Variants in NFIX observed in about 807,000 individuals in gnomAD.
The protein encoded by NFIX is nuclear factor 1 X-type.
NFIX carries 2 observed loss-of-function variants against 53.3 expected under a neutral mutation model. The observed-to-expected ratio is 0.04, with a 90% CI of 0.02 to 0.12. The LOEUF is 0.12. NFIX is among the 10% of genes least tolerant of loss of function. NFIX has a pLI of 1.00. For missense variants in NFIX, 310 were observed against 674.5 expected, an observed-to-expected ratio of 0.46 and a Z score of 5.99; for synonymous variants, 244 against 289.0, an observed-to-expected ratio of 0.84 and a Z score of 1.58.
Position 13,052,498 on chromosome 19 carries a change from G to C in NFIX, c.560-20549G>C, listed in dbSNP as rs560288906. Among the ~76,000 whole-genome samples the C allele has an allele frequency of 6.6e-6, 1 of 152,308 alleles. No homozygotes were observed. The highest frequency in any genetic ancestry group is 2.4e-5 in the African/African-American group (1 of 41,562). On this transcript the variant is annotated intron_variant, in intron 2 of 10. Coordinates refer to ENST00000592199, the MANE Select transcript of NFIX (RefSeq NM_001365902.3). The surrounding 1 kb of genome is among the most constrained non-coding windows in gnomAD (Gnocchi z 5.2). ...GCAGGACCACCATGAGTCACTGGGG[G>C]TCATGCCAGTGAGCTTCCTGCGCTG...
chr19:13,053,473 C>T (rs2015452162), intron 2 of NFIX, among the ~76,000 whole-genome samples: 1 of 152,178 alleles, frequency 6.6e-6, no homozygotes, highest in Admixed American at 6.5e-5. Flanking sequence ...AAGGCCTTCC[C>T]TCCCTTCCGC....
At chr19:13,016,068 G>A (rs2012650482) in intron 1 of NFIX, among the ~76,000 whole-genome samples, 1 of 152,154 alleles carries the variant, frequency 6.6e-6, no homozygotes, top group Non-Finnish European at 1.5e-5. Flanking sequence ...GGTTACATGG[G>A]TGTGTTCACT....
intron 2 of NFIX, among the ~76,000 whole-genome samples, chr19:13,059,555 C>T (rs1442688651): frequency 2.0e-5 from 3 of 152,122 alleles, no homozygotes; most frequent in East Asian, 1.9e-4. Context: ...GGAGTGGGAG[C>T]TGGAGGCTGC....
At chr19:13,039,748 G>A (rs2014483221) in intron 2 of NFIX, among the ~76,000 whole-genome samples, 1 of 152,186 alleles carries the variant, frequency 6.6e-6, no homozygotes, top group Non-Finnish European at 1.5e-5. Context: ...GTTTCTCTTA[G>A]GCTGGAATCT....
rs1282223513 is a variant in NFIX, at chr19:13,067,512, GTGTC to G, written c.560-5532_560-5529del. Among the ~76,000 whole-genome samples the G allele has an allele frequency of 1.3e-5, 2 of 151,940 alleles. No homozygotes were observed. Among genetic ancestry groups the G allele is most frequent in the African/African-American group, 2.4e-5 (1 of 41,340 alleles). ...TGTGTGTGTGTGTGTGTGTATGTGT[GTGTC>G]TGAGTCTGAGCATATGAGTGTATGC... On this transcript the variant is annotated intron_variant, in intron 2 of 10. Transcript: ENST00000592199. The surrounding 1 kb of genome is among the most constrained non-coding windows in gnomAD (Gnocchi z 4.2).
At chr19:13,018,006 G>C (rs1015882199) in intron 1 of NFIX, among the ~76,000 whole-genome samples, 3 of 152,212 alleles carry the variant, frequency 2.0e-5, no homozygotes, top group Non-Finnish European at 2.9e-5. Flanking sequence ...GCAGCCTGCC[G>C]GCTGGAGAAG....
intron 1 of NFIX, among the ~76,000 whole-genome samples, chr19:13,008,753 GC>G (rs950101216): frequency 6.6e-6 from 1 of 152,034 alleles, no homozygotes; most frequent in South Asian, 2.1e-4. Flanking sequence ...CCCTCCTTTG[GC>G]CCCCCTCCAA....
At position 13,089,513 on chromosome 19, in the gene NFIX, A is replaced by G. The variant is rs566495737; in HGVS notation, c.1403-786A>G. On this transcript the variant is annotated intron_variant, in intron 9 of 10. Transcript: ENST00000592199. This position sits in a 1 kb window ranked among gnomAD's most constrained non-coding sequence, Gnocchi z 4.8. ...AGGCTCTCCAGCCTCCTCCTCCTCT[A>G]TTGCCTTGGTCCTGGAACCACAGGC... is the stretch of plus-strand genomic sequence containing the variant. Among the ~76,000 whole-genome samples the G allele has an allele frequency of 2.0e-5, 3 of 152,082 alleles. No individual in the cohort carries two copies. Among genetic ancestry groups the G allele is most frequent in the South Asian group, 2.1e-4 (1 of 4,820 alleles).
intron 10 of NFIX, among the ~76,000 whole-genome samples, chr19:13,092,458 C>A (rs1415084766): frequency 6.6e-6 from 1 of 152,206 alleles, no homozygotes; most frequent in Non-Finnish European, 1.5e-5. Flanking sequence ...GAGGACCCCC[C>A]AGTCTGAGCA....
rs560713495 is a variant in NFIX, at chr19:12,997,933, T to C, written c.27+2069T>C. ...GGATGGCTGGAGAGGGGAGTGGGCATGGTGTCTCCAGGCTGCCAGCCCTTC... is the reference window on the plus strand; with the variant it reads ...GGATGGCTGGAGAGGGGAGTGGGCACGGTGTCTCCAGGCTGCCAGCCCTTC... On this transcript the variant is annotated intron_variant, in intron 1 of 10. Coordinates refer to ENST00000592199, the MANE Select transcript of NFIX (RefSeq NM_001365902.3). Among the ~76,000 whole-genome samples the C allele has an allele frequency of 5.9e-5, 9 of 152,000 alleles. No homozygotes were observed. In the South Asian group the frequency reaches 1.7e-3, roughly 28 times the overall value.
chr19:13,064,881 C>A (rs1403510515), intron 2 of NFIX, among the ~76,000 whole-genome samples: 1 of 152,218 alleles, frequency 6.6e-6, no homozygotes, highest in Non-Finnish European at 1.5e-5. Flanking sequence ...GTAGCCCCAA[C>A]TATGAGCCAG....
At position 13,012,527 on chromosome 19, in the gene NFIX, G is replaced by A. The variant is rs947796089; in HGVS notation, c.28-12494G>A. ...CAGTTCACCATTTGCTGCGTCAAAG[G>A]CCGCCGCCAAAAGGGGCTCCGATGT... On this transcript the variant is annotated intron_variant, in intron 1 of 10. Coordinates refer to ENST00000592199, the MANE Select transcript of NFIX (RefSeq NM_001365902.3). The surrounding 1 kb of genome is among the most constrained non-coding windows in gnomAD (Gnocchi z 5.0). Among the ~76,000 whole-genome samples, 2 of 152,072 alleles carry A rather than the reference G, an allele frequency of 1.3e-5. No individual in the cohort carries two copies. Among genetic ancestry groups the A allele is most frequent in the Admixed American group, 1.3e-4 (2 of 15,282 alleles).
chr19:13,038,676 T>G (rs2014384946), intron 2 of NFIX, among the ~76,000 whole-genome samples: 1 of 152,238 alleles, frequency 6.6e-6, no homozygotes, highest in African/African-American at 2.4e-5. Flanking sequence ...CCTGTTTAGT[T>G]TACTACCTGG....
At chr19:13,084,779 TGAG>T (rs1314524008) in intron 8 of NFIX, among the ~76,000 whole-genome samples, 1 of 151,906 alleles carries the variant, frequency 6.6e-6, no homozygotes, top group Non-Finnish European at 1.5e-5. Flanking sequence ...AAGGTGAAAG[TGAG>T]GAGCTGGTCG....
Position 13,090,350 on chromosome 19 carries a change from C to G in NFIX, c.1454C>G (p.Pro485Arg). Residue 485 changes from proline (P) to arginine (R), a missense_variant, in exon 10 of 11, where the codon CCC (proline) becomes CGC (arginine). Transcript: ENST00000592199. The surrounding 1 kb of genome is among the most constrained non-coding windows in gnomAD (Gnocchi z 6.6). Reference protein sequence around the residue: ...SSANRFVSIGPRDGNFLNIPQ... With the variant: ...SSANRFVSIGRRDGNFLNIPQ... The stretch of plus-strand genomic sequence containing the variant: ...GCCAACCGGTTTGTCAGCATCGGAC[C>G]CCGGGACGGCAACTTTCTGAACATC... 1 of 1,613,952 alleles carries G rather than the reference C, an allele frequency of 6.2e-7. No homozygotes were observed. The highest frequency in any genetic ancestry group is 8.5e-7 in the Non-Finnish European group (1 of 1,179,888).
Position 13,021,932 on chromosome 19 carries a change from T to C in NFIX, c.28-3089T>C, listed in dbSNP as rs2012970853. 1.3e-5 allele frequency among the ~76,000 whole-genome samples: 2 copies of C among 152,308 alleles called. No individual in the cohort carries two copies. Among genetic ancestry groups the C allele is most frequent in the East Asian group, 3.9e-4 (2 of 5,186 alleles). On this transcript the variant is annotated intron_variant, in intron 1 of 10. Transcript: ENST00000592199. This position sits in a 1 kb window ranked among gnomAD's most constrained non-coding sequence, Gnocchi z 4.2. ...TTGTTGTGTCCTTTCTTAGCTCTTTTCTTTTCATTTGGGTTTCTCATTTTA... is the reference window on the plus strand; with the variant it reads ...TTGTTGTGTCCTTTCTTAGCTCTTTCCTTTTCATTTGGGTTTCTCATTTTA...
In NFIX at chr19:13,061,475, G is replaced by A. The variant is rs529996368; in HGVS notation, c.560-11572G>A. On this transcript the variant is annotated intron_variant, in intron 2 of 10. Coordinates refer to ENST00000592199, the MANE Select transcript of NFIX (RefSeq NM_001365902.3). ...TGCAGAGGGAACCACATCCCCTGGA[G>A]CTCTGGGCCGGTCGCTGGCCGCGCC... 3.3e-5 allele frequency among the ~76,000 whole-genome samples: 5 copies of A among 152,312 alleles called. No individual in the cohort carries two copies. The East Asian group carries it at 9.7e-4, about 29-fold the overall frequency.
intron 8 of NFIX, among the ~76,000 whole-genome samples, chr19:13,084,326 C>T (rs1194411384): frequency 6.6e-6 from 1 of 152,162 alleles, no homozygotes; most frequent in East Asian, 1.9e-4. Context: ...TGCCTGTAGT[C>T]CCAGCTACTT....
At chr19:13,085,935 G>C (rs1400773776) in intron 8 of NFIX, among the ~76,000 whole-genome samples, 1 of 152,218 alleles carries the variant, frequency 6.6e-6, no homozygotes, top group Non-Finnish European at 1.5e-5. Flanking sequence ...GCAGGGATGG[G>C]GGAGTGGCCT....
Sources: allele counts gnomAD v4.1 joint callset (sites outside exome capture counted in the v4.1 genomes callset), GRCh38; gene constraint gnomAD v4.1.1; non-coding constraint Gnocchi (gnomAD v3.1); transcripts MANE v1.5; gene names NCBI Gene and HGNC (gene_info 2026-07-23, HGNC 2026-07-21).